SUPT3H: variants seen among roughly 807,000 people sequenced by gnomAD.
SUPT3H encodes the protein SPT3 homolog, SAGA and STAGA complex component, also known as transcription initiation protein SPT3 homolog.
A neutral mutation model predicts 44.3 loss-of-function variants in SUPT3H; 44 were observed. The ratio of observed to expected loss-of-function variants is 0.99; its 90% CI spans 0.78 to 1.28. The LOEUF (loss-of-function observed/expected upper bound fraction) is 1.28. SUPT3H is among the 50% of genes most tolerant of loss of function. The pLI is 0.00. For synonymous variants in SUPT3H, 124 were observed against 125.6 expected (o/e 0.99, Z 0.09); for missense variants, 380 against 387.1 (o/e 0.98, Z 0.15).
intron 2 of SUPT3H, among the ~76,000 whole-genome samples, chr6:45,220,543 C>T (rs1044152434): frequency 1.3e-5 from 2 of 152,216 alleles, no homozygotes; most frequent in Non-Finnish European, 2.9e-5. Flanking sequence ...CCCACTCTTT[C>T]TCAACATACT....
At chr6:44,961,547 C>T (rs1242286209) in intron 7 of SUPT3H, among the ~76,000 whole-genome samples, 1 of 152,076 alleles carries the variant, frequency 6.6e-6, no homozygotes, top group Non-Finnish European at 1.5e-5. Context: ...CACTTAAGAC[C>T]TCTTAATGTT....
chr6:45,181,113 A>C lies in SUPT3H; in HGVS notation c.102-75107T>G, dbSNP rs1197812181. ...TTATGCAGCCAAGAAACACATGAAA[A>C]AATGCTCACCATCGCTGGCCATCAG... On this transcript the variant is annotated intron_variant, in intron 2 of 10. Coordinates refer to ENST00000371459, the MANE Select transcript of SUPT3H (RefSeq NM_003599.4). Among the ~76,000 whole-genome samples, 401 of 150,502 alleles carry C rather than the reference A, an allele frequency of 2.7e-3. 1 individual carries two copies. Among genetic ancestry groups the C allele is most frequent in the Non-Finnish European group, 5.0e-3 (340 of 67,660 alleles).
intron 2 of SUPT3H, among the ~76,000 whole-genome samples, chr6:45,268,575 T>A (rs1775623942): frequency 6.6e-6 from 1 of 152,200 alleles, no homozygotes; most frequent in Non-Finnish European, 1.5e-5. Context: ...TGTAAGCAAT[T>A]ATACAAGTGT....
At chr6:44,910,848 A>G (rs1014557996) in intron 10 of SUPT3H, among the ~76,000 whole-genome samples, 18 of 151,842 alleles carry the variant, frequency 1.2e-4, no homozygotes, top group African/African-American at 4.1e-4. Context: ...TACAAAAATT[A>G]GCCAGGTATG....
At chr6:45,366,948 T>C (rs1000703702) in intron 1 of SUPT3H, among the ~76,000 whole-genome samples, 4 of 152,190 alleles carry the variant, frequency 2.6e-5, no homozygotes, top group Non-Finnish European at 4.4e-5. Context: ...TAATATATCT[T>C]TCTAATCTAA....
intron 2 of SUPT3H, among the ~76,000 whole-genome samples, chr6:45,191,077 T>C (rs959629520): frequency 2.6e-5 from 4 of 152,044 alleles, no homozygotes; most frequent in Non-Finnish European, 4.4e-5. Flanking sequence ...TACTCAAAGG[T>C]TTGAGTAAAA....
At chr6:45,176,487 G>A (rs184065563) in intron 2 of SUPT3H, among the ~76,000 whole-genome samples, 34,993 of 151,344 alleles carry the variant, frequency 0.23, 4,304 homozygotes, top group Non-Finnish European at 0.3. Context: ...AGGCGGCAGC[G>A]AGGCTGGGGG....
chr6:44,888,710 C>T (rs1393825216), intron 10 of SUPT3H, among the ~76,000 whole-genome samples: 1 of 151,966 alleles, frequency 6.6e-6, no homozygotes, highest in Non-Finnish European at 1.5e-5. Context: ...TGGCACAAGA[C>T]AGGGATGCCC....
At chr6:45,257,757 C>T (rs1429518053) in intron 2 of SUPT3H, among the ~76,000 whole-genome samples, 2 of 152,168 alleles carry the variant, frequency 1.3e-5, no homozygotes, top group African/African-American at 4.8e-5. Context: ...CACAGTCCTA[C>T]CCATGAGTGT....
chr6:44,991,128 A>G (rs1317124807), intron 6 of SUPT3H, among the ~76,000 whole-genome samples: 1 of 152,100 alleles, frequency 6.6e-6, no homozygotes, highest in Non-Finnish European at 1.5e-5. Context: ...ATGTAAAAGT[A>G]AGATATAATA....
chr6:45,126,328 A>G (rs1447619381), intron 2 of SUPT3H, among the ~76,000 whole-genome samples: 1 of 152,206 alleles, frequency 6.6e-6, no homozygotes, highest in African/African-American at 2.4e-5. Flanking sequence ...TTAAAACCCA[A>G]AAACATTGTA....
chr6:44,894,360 C>A (rs1224779301), intron 10 of SUPT3H, among the ~76,000 whole-genome samples: 11 of 152,174 alleles, frequency 7.2e-5, no homozygotes, highest in South Asian at 6.2e-4. Context: ...TTTTAGGTCT[C>A]ACGTTTAAGT....
intron 6 of SUPT3H, among the ~76,000 whole-genome samples, chr6:44,967,628 T>C (rs1197549853): frequency 1.3e-5 from 2 of 152,210 alleles, no homozygotes; most frequent in South Asian, 4.1e-4. Context: ...TTCCATGTGC[T>C]CTCACTGAAG....
intron 10 of SUPT3H, among the ~76,000 whole-genome samples, chr6:44,887,532 G>A (rs1762523609): frequency 6.6e-6 from 1 of 152,086 alleles, no homozygotes; most frequent in Admixed American, 6.6e-5. Context: ...GGTACATAAT[G>A]AAATGAAGGC....
chr6:45,038,186 C>T (rs1787975435), intron 3 of SUPT3H, among the ~76,000 whole-genome samples: 1 of 152,096 alleles, frequency 6.6e-6, no homozygotes, highest in Non-Finnish European at 1.5e-5. Flanking sequence ...ATAAAAACTA[C>T]TCAAGTTTTA....
chr6:44,839,093 C>G (rs2153415013), intron 10 of SUPT3H, among the ~76,000 whole-genome samples: 1 of 152,142 alleles, frequency 6.6e-6, no homozygotes, highest in South Asian at 2.1e-4. Context: ...CATCCCAAGT[C>G]AGATATATTA....
chr6:45,128,053 G>C (rs1270087823), intron 2 of SUPT3H, among the ~76,000 whole-genome samples: 3 of 152,062 alleles, frequency 2.0e-5, no homozygotes, highest in Non-Finnish European at 4.4e-5. Context: ...TACCGATAAT[G>C]CTTGTTATTC....
At chr6:44,888,802 A>T (rs1057185201) in intron 10 of SUPT3H, among the ~76,000 whole-genome samples, 3 of 151,986 alleles carry the variant, frequency 2.0e-5, no homozygotes, top group African/African-American at 4.8e-5. Context: ...AGGGTATTCA[A>T]TTAGGAAAAG....
In SUPT3H at chr6:44,839,889, A is replaced by T. The variant is rs912859134; in HGVS notation, c.913-10032T>A. Among the ~76,000 whole-genome samples, 12 of 152,214 alleles carry T rather than the reference A, an allele frequency of 7.9e-5. No individual in the cohort carries two copies. In the East Asian group the frequency reaches 1.7e-3, roughly 22 times the overall value. The stretch of plus-strand genomic sequence containing the variant: ...GCTACTTTTTGTATTTTTAGTAGAG[A>T]TGGGGTTTCACCGTGTTAGCCAGGA... On this transcript the variant is annotated intron_variant, in intron 10 of 10. Coordinates refer to ENST00000371459, the MANE Select transcript of SUPT3H (RefSeq NM_003599.4).
Sources: allele counts gnomAD v4.1 joint callset (sites outside exome capture counted in the v4.1 genomes callset), GRCh38; gene constraint gnomAD v4.1.1; transcripts MANE v1.5; gene names NCBI Gene and HGNC (gene_info 2026-07-23, HGNC 2026-07-21).